Variants in KDM4C observed in about 807,000 individuals in gnomAD.
The protein encoded by KDM4C is lysine-specific demethylase 4C.
In KDM4C, 81 loss-of-function variants were observed where a neutral mutation model predicts 129.3. The ratio of observed to expected loss-of-function variants is 0.63; its 90% CI spans 0.52 to 0.75. The LOEUF (loss-of-function observed/expected upper bound fraction) is 0.75, where lower values mean the gene tolerates loss of function less well. Among genes scored for constraint, KDM4C ranks in the 30% least tolerant of loss-of-function variants. KDM4C has a pLI of 0.00. For missense variants in KDM4C, 1,457 were observed against 1,304.0 expected (o/e 1.12, Z -1.81); for synonymous variants, 573 against 456.1 (o/e 1.26, Z -3.26).
At chr9:6,863,182 G>A (rs895369016) in intron 5 of KDM4C, among the ~76,000 whole-genome samples, 3 of 151,772 alleles carry the variant, frequency 2.0e-5, no homozygotes, top group Admixed American at 6.6e-5. Flanking sequence ...CCCACCCCAT[G>A]TTTTGATTTT....
upstream of KDM4C, among the ~76,000 whole-genome samples, chr9:6,757,095 G>C (rs2130335062): frequency 6.6e-6 from 1 of 152,262 alleles, no homozygotes. Flanking sequence ...ATCTGTCTTT[G>C]GCAGTACAGG....
chr9:6,786,841 G>T (rs1183093882), intron 1 of KDM4C, among the ~76,000 whole-genome samples: 1 of 152,112 alleles, frequency 6.6e-6, no homozygotes, highest in Non-Finnish European at 1.5e-5. Context: ...ATGGCTATGT[G>T]TGTTCAAAAA....
intron 17 of KDM4C, among the ~76,000 whole-genome samples, chr9:7,102,309 CTTTTTTTTTTTTTT>C (rs34614459): frequency 1.9e-4 from 17 of 89,978 alleles, no homozygotes; most frequent in African/African-American, 7.0e-4. Flanking sequence ...ATGGTTTTCC[CTTTTTTTTTTTTTT>C]TTTTTTTTTT....
chr9:6,962,962 G>A (rs2131614030), intron 8 of KDM4C, among the ~76,000 whole-genome samples: 1 of 152,278 alleles, frequency 6.6e-6, no homozygotes, highest in Admixed American at 6.5e-5. Flanking sequence ...AGCTGTTTAT[G>A]GACATGATAT....
chr9:6,778,529 G>T (rs1482488682), intron 1 of KDM4C, among the ~76,000 whole-genome samples: 1 of 151,638 alleles, frequency 6.6e-6, no homozygotes, highest in African/African-American at 2.4e-5. Flanking sequence ...CACTTTGGGA[G>T]GCTAAGCTGG....
chr9:6,922,798 A>C (rs927244982), intron 8 of KDM4C, among the ~76,000 whole-genome samples: 1 of 152,242 alleles, frequency 6.6e-6, no homozygotes, highest in African/African-American at 2.4e-5. Context: ...GTTAACTGAC[A>C]AATGTCACTA....
chr9:6,793,078 C>G lies in KDM4C; in HGVS notation c.90C>G (p.Asn30Lys), dbSNP rs1588299647. 2 of 1,614,002 alleles carry G rather than the reference C, an allele frequency of 1.2e-6. No individual in the cohort carries two copies. The highest frequency in any genetic ancestry group is 1.7e-6 in the Non-Finnish European group (2 of 1,180,020). Residue 30 changes from asparagine (N) to lysine (K), a missense_variant, in exon 2 of 22, where the codon AAC becomes AAG. Transcript: ENST00000381309. ...RPSMEEFREF[N>K]KYLAYMESKG... is the part of the protein sequence containing the mutation. ...CCATGGAGGAGTTCCGGGAGTTCAA[C>G]AAATACCTTGCATACATGGAGTCTA...
intron 18 of KDM4C, among the ~76,000 whole-genome samples, chr9:7,112,783 A>G (rs1433848651): frequency 6.6e-6 from 1 of 152,144 alleles, no homozygotes; most frequent in Non-Finnish European, 1.5e-5. Flanking sequence ...CCTTTTCATA[A>G]AGTGAACCAG....
intron 8 of KDM4C, chr9:6,925,758 A>G (rs986671517): frequency 4.4e-6 from 2 of 452,396 alleles, no homozygotes; most frequent in African/African-American, 2.1e-5. Flanking sequence ...AAACTTTTTA[A>G]TTGAGATTCA....
At chr9:6,929,536 A>G (rs1823275512) in intron 8 of KDM4C, among the ~76,000 whole-genome samples, 1 of 150,440 alleles carries the variant, frequency 6.6e-6, no homozygotes, top group Non-Finnish European at 1.5e-5. Context: ...ATGATAAAAT[A>G]AGGTAGAAAT....
At chr9:6,919,585 A>G (rs1821094215) in intron 8 of KDM4C, among the ~76,000 whole-genome samples, 1 of 148,138 alleles carries the variant, frequency 6.8e-6, no homozygotes, top group Non-Finnish European at 1.5e-5. Flanking sequence ...CTATCTATCT[A>G]TCTATCTAGG....
intron 4 of KDM4C, among the ~76,000 whole-genome samples, chr9:6,840,198 G>A (rs976654059): frequency 1.3e-5 from 2 of 151,680 alleles, no homozygotes; most frequent in African/African-American, 4.8e-5. Context: ...TCAGCCTCCT[G>A]AGTAGCTAGG....
chr9:6,866,602 C>T (rs1842021063), intron 5 of KDM4C, among the ~76,000 whole-genome samples: 1 of 152,126 alleles, frequency 6.6e-6, no homozygotes, highest in African/African-American at 2.4e-5. Flanking sequence ...TTTCTTTCTT[C>T]AGGTACTCCC....
chr9:7,095,604 C>A (rs1390452160), intron 17 of KDM4C, among the ~76,000 whole-genome samples: 1 of 151,922 alleles, frequency 6.6e-6, no homozygotes, highest in Non-Finnish European at 1.5e-5. Context: ...ATTATGTGTC[C>A]TTTAATTTAA....
chr9:7,083,136 A>G (rs1705166323), intron 17 of KDM4C, among the ~76,000 whole-genome samples: 1 of 152,210 alleles, frequency 6.6e-6, no homozygotes, highest in South Asian at 2.1e-4. Context: ...AGTCACACAC[A>G]TAGACCCATA....
In KDM4C at chr9:7,041,835, C is replaced by G. The variant is rs577713953; in HGVS notation, c.2260-5027C>G. Among the ~76,000 whole-genome samples, 48 of 152,108 alleles carry G rather than the reference C, an allele frequency of 3.2e-4. No homozygotes were observed. The South Asian group carries it at 4.6e-3, about 14-fold the overall frequency. Reference sequence around the variant, plus strand: ...CGCTGAGGAGATTCTGAAGATCTGCCTGCCTTTCATAGTTGAGCTGGCAGC... The same window carrying G: ...CGCTGAGGAGATTCTGAAGATCTGCGTGCCTTTCATAGTTGAGCTGGCAGC... On this transcript the variant is annotated intron_variant, in intron 15 of 21. Coordinates refer to ENST00000381309, the MANE Select transcript of KDM4C (RefSeq NM_015061.6).
At chr9:7,105,069 C>G (rs902606532) in intron 18 of KDM4C, among the ~76,000 whole-genome samples, 2 of 152,058 alleles carry the variant, frequency 1.3e-5, no homozygotes, top group African/African-American at 4.8e-5. Flanking sequence ...TCCATAGTTT[C>G]TTGAGTTGAT....
intron 17 of KDM4C, among the ~76,000 whole-genome samples, chr9:7,080,409 C>G (rs1834396511): frequency 6.6e-6 from 1 of 152,168 alleles, no homozygotes; most frequent in Non-Finnish European, 1.5e-5. Flanking sequence ...GTTATCTGAG[C>G]AAGAAGTGAG....
intron 4 of KDM4C, among the ~76,000 whole-genome samples, chr9:6,848,627 C>G (rs1200148073): frequency 2.0e-5 from 3 of 152,000 alleles, no homozygotes; most frequent in African/African-American, 7.3e-5. Flanking sequence ...TGAGATTGCA[C>G]CACTGCACTC....
Sources: allele counts gnomAD v4.1 joint callset (sites outside exome capture counted in the v4.1 genomes callset), GRCh38; gene constraint gnomAD v4.1.1; transcripts MANE v1.5; gene names NCBI Gene and HGNC (gene_info 2026-07-23, HGNC 2026-07-21).